The following EHD4 variants were observed in gnomAD, a reference collection of about 807,000 sequenced individuals.
EHD4 encodes EH domain containing 4.
In EHD4, 37 loss-of-function variants were observed where a neutral mutation model predicts 51.0. The observed-to-expected ratio is 0.73, with a 90% CI of 0.56 to 0.95. The LOEUF is 0.95. Ranked by LOEUF, EHD4 falls within the 40% of genes least tolerant of loss-of-function variation. The pLI is 0.00. For synonymous variants in EHD4, 297 were observed against 317.3 expected (o/e 0.94, Z 0.68); for missense variants, 632 against 733.1 (o/e 0.86, Z 1.59).
intron 1 of EHD4, among the ~76,000 whole-genome samples, chr15:41,958,310 T>A (rs901106521): frequency 6.6e-6 from 1 of 151,896 alleles, no homozygotes; most frequent in Non-Finnish European, 1.5e-5. Context: ...TAAAAAGGTA[T>A]GGACATTTGG....
intron 4 of EHD4, among the ~76,000 whole-genome samples, chr15:41,910,693 C>T (rs1348265680): frequency 2.0e-5 from 3 of 152,116 alleles, no homozygotes; most frequent in Admixed American, 6.5e-5. Context: ...TTCAGCCTCC[C>T]GAGTAGCTGG....
At chr15:41,936,125 C>G (rs544319130) in intron 3 of EHD4, among the ~76,000 whole-genome samples, 98 of 152,258 alleles carry the variant, frequency 6.4e-4, no homozygotes, top group African/African-American at 2.2e-3. Flanking sequence ...TATGACCTAG[C>G]CTTAGGAAAT....
intron 3 of EHD4, among the ~76,000 whole-genome samples, chr15:41,920,834 C>A (rs374020113): frequency 1.2e-4 from 19 of 152,304 alleles, no homozygotes; most frequent in African/African-American, 4.6e-4. Flanking sequence ...TGATAACATT[C>A]ATGTAAAATG....
chr15:41,915,376 C>A (rs2067577325), intron 4 of EHD4, among the ~76,000 whole-genome samples: 1 of 152,160 alleles, frequency 6.6e-6, no homozygotes, highest in Non-Finnish European at 1.5e-5. Flanking sequence ...CCGTGCCCAG[C>A]CTATAGACAA....
At chr15:41,906,046 C>A (rs75080550) in intron 5 of EHD4, among the ~76,000 whole-genome samples, 2,503 of 152,272 alleles carry the variant, frequency 0.016, 41 homozygotes, top group Non-Finnish European at 0.024. Context: ...CAGAAAAATG[C>A]TGAGGCAGAT....
intron 2 of EHD4, among the ~76,000 whole-genome samples, chr15:41,949,333 G>C (rs1160363818): frequency 6.6e-6 from 1 of 151,838 alleles, no homozygotes; most frequent in Non-Finnish European, 1.5e-5. Context: ...TTGCGCAGCT[G>C]CACTCCAGCC....
At chr15:41,906,056 T>C (rs1325664914) in intron 5 of EHD4, among the ~76,000 whole-genome samples, 1 of 152,202 alleles carries the variant, frequency 6.6e-6, no homozygotes, top group Non-Finnish European at 1.5e-5. Flanking sequence ...CTGAGGCAGA[T>C]AGGGGTGGGT....
chr15:41,919,499 C>A lies in EHD4; in HGVS notation c.635G>T (p.Gly212Val). 6.4e-7 allele frequency: 1 copy of A among 1,552,308 alleles called. No individual in the cohort carries two copies. Among genetic ancestry groups the A allele is most frequent in the Non-Finnish European group, 8.7e-7 (1 of 1,152,016 alleles). ...CACGACACGGATCTTGTCGTCCTGG[C>A]CCCGGAAGGCCTTGATGGCCTCTGA... ...EFSEAIKAFRGQDDKIRVVLN... is the reference protein window; with the variant it reads ...EFSEAIKAFRVQDDKIRVVLN... The change falls in exon 4 of 6, where the codon GGC (glycine) becomes GTC (valine). Residue 212 changes from glycine (G) to valine (V), a missense_variant. By Grantham distance (109) the Gly-to-Val change is moderately radical. Coordinates refer to ENST00000220325, the MANE Select transcript of EHD4 (RefSeq NM_139265.4).
chr15:41,900,518 T>G lies in EHD4; in HGVS notation c.*127A>C. The G allele has an allele frequency of 1.0e-6, 1 of 978,500 alleles. No individual in the cohort carries two copies. The highest frequency in any genetic ancestry group is 1.5e-6 in the Non-Finnish European group (1 of 682,214). The allele number at this position is 978,500 out of a possible 1,614,324, so 60.6% of individuals were successfully genotyped here. ...TAGTTTCCAGTGTCCACCCTCCCCA[T>G]TCTACAGATGGGGAAACCAAGGCAC... is the stretch of plus-strand genomic sequence containing the variant. On this transcript the variant is annotated 3_prime_UTR_variant, in exon 6 of 6. Transcript: ENST00000220325. This position sits in a 1 kb window ranked among gnomAD's most constrained non-coding sequence, Gnocchi z 4.8.
At chr15:41,929,686 A>T (rs1188590239) in intron 3 of EHD4, among the ~76,000 whole-genome samples, 2 of 152,232 alleles carry the variant, frequency 1.3e-5, no homozygotes, top group South Asian at 2.1e-4. Flanking sequence ...AGCCTGGCTT[A>T]ACAATTTCAT....
chr15:41,900,065 G>C lies in EHD4; in HGVS notation c.*580C>G, dbSNP rs999056198. 6.5e-6 allele frequency: 1 copy of C among 152,948 alleles called. No individual in the cohort carries two copies. The highest frequency in any genetic ancestry group is 1.5e-5 in the Non-Finnish European group (1 of 68,344). 9.5% of individuals were successfully genotyped at this position (152,948 alleles called of 1,614,324 possible). A position where few individuals can be genotyped will look rare whatever the true frequency, so the allele number is the denominator to read the frequency against. On this transcript the variant is annotated 3_prime_UTR_variant, in exon 6 of 6. Transcript: ENST00000220325. This position sits in a 1 kb window ranked among gnomAD's most constrained non-coding sequence, Gnocchi z 4.8. ...CTGCAGAATGGATGGCAGATCCACA[G>C]TGCATCCCCCTTCCAAACCCAGGAG...
chr15:41,931,359 A>C (rs773043997), intron 3 of EHD4, among the ~76,000 whole-genome samples: 1 of 152,010 alleles, frequency 6.6e-6, no homozygotes, highest in Non-Finnish European at 1.5e-5. Flanking sequence ...AAAAAATGCA[A>C]AACATTAGCT....
intron 4 of EHD4, among the ~76,000 whole-genome samples, chr15:41,916,592 A>G (rs1393499635): frequency 6.6e-6 from 1 of 152,254 alleles, no homozygotes; most frequent in Admixed American, 6.5e-5. Context: ...CACTCCAAAA[A>G]GAAAAACTCA....
chr15:41,971,483 G>T (rs1425042144), intron 1 of EHD4, among the ~76,000 whole-genome samples: 1 of 152,222 alleles, frequency 6.6e-6, no homozygotes, highest in Admixed American at 6.5e-5. Flanking sequence ...CACTTCTTTT[G>T]AAACTATATG....
At chr15:41,937,292 C>A (rs2067738211) in intron 3 of EHD4, among the ~76,000 whole-genome samples, 2 of 152,104 alleles carry the variant, frequency 1.3e-5, no homozygotes, top group African/African-American at 4.8e-5. Flanking sequence ...GCTCACATAT[C>A]TCTCTCTGTT....
intron 4 of EHD4, among the ~76,000 whole-genome samples, chr15:41,918,242 A>ACACACACACC (rs1347109024): frequency 7.7e-6 from 1 of 130,480 alleles, no homozygotes; most frequent in Admixed American, 7.5e-5. Flanking sequence ...ACACACACAC[A>ACACACACACC]CGCGCATGTT....
At position 41,901,044 on chromosome 15, in the gene EHD4, C is replaced by A; in HGVS notation, c.1227G>T (p.Thr409=). Residue 409 remains threonine, a synonymous_variant, in exon 6 of 6, where the codon ACG becomes ACT. Transcript: ENST00000220325. ...LISQEETSTP[T]QLVQGGAFDG... ...CGAAGGCGCCGCCCTGCACCAGCTGCGTGGGCGTGCTCGTCTCCTCCTGGC... is the reference window on the plus strand; with the variant it reads ...CGAAGGCGCCGCCCTGCACCAGCTGAGTGGGCGTGCTCGTCTCCTCCTGGC... 6.2e-7 allele frequency: 1 copy of A among 1,612,260 alleles called. No individual in the cohort carries two copies. The highest frequency in any genetic ancestry group is 8.5e-7 in the Non-Finnish European group (1 of 1,179,042).
chr15:41,919,633 A>C lies in EHD4; in HGVS notation c.512-11T>G. On this transcript the variant is annotated splice_polypyrimidine_tract_variant and intron_variant, in intron 3 of 5. Transcript: ENST00000220325. ...GGCAGAAGTCATAGCCTGGGTGGAG[A>C]GAAGGACACGTCAGTGTAGCCACTG... 1 of 1,508,778 alleles carries C rather than the reference A, an allele frequency of 6.6e-7. No individual in the cohort carries two copies. The highest frequency in any genetic ancestry group is 1.4e-5 in the African/African-American group (1 of 71,572). 93.5% of individuals were successfully genotyped at this position (1,508,778 alleles called of 1,614,324 possible). A position where few individuals can be genotyped will look rare whatever the true frequency, so the allele number is the denominator to read the frequency against.
At chr15:41,959,943 C>A (rs1224451436) in intron 1 of EHD4, among the ~76,000 whole-genome samples, 1 of 144,796 alleles carries the variant, frequency 6.9e-6, no homozygotes, top group African/African-American at 2.6e-5. Context: ...GCATTCCAGA[C>A]TGGGTGAGAC....
Sources: allele counts gnomAD v4.1 joint callset (sites outside exome capture counted in the v4.1 genomes callset), GRCh38; gene constraint gnomAD v4.1.1; non-coding constraint Gnocchi (gnomAD v3.1); transcripts MANE v1.5; gene names NCBI Gene and HGNC (gene_info 2026-07-23, HGNC 2026-07-21).